SLC60A1: variants seen among roughly 807,000 people sequenced by gnomAD.
The protein encoded by SLC60A1 is solute carrier family 60 member 1, also known as major facilitator superfamily domain containing 4.
At chr1:205,570,785 C>T in the SLC60A1 span, among the ~76,000 whole-genome samples, 1 of 152,190 alleles carries the variant, frequency 6.6e-6, no homozygotes, top group Admixed American at 6.5e-5. Context: ...GTATCTGTGG[C>T]TAGCACAGGT....
the SLC60A1 span, chr1:205,583,806 T>G: frequency 9.5e-7 from 1 of 1,049,052 alleles, no homozygotes; most frequent in Non-Finnish European, 1.3e-6. Flanking sequence ...CCTGGCTTCT[T>G]AGGTTGGGAT....
chr1:205,577,536 T>A, the SLC60A1 span, among the ~76,000 whole-genome samples: 5 of 152,312 alleles, frequency 3.3e-5, no homozygotes, highest in East Asian at 9.6e-4. This position sits in a 1 kb window ranked among gnomAD's most constrained non-coding sequence, Gnocchi z 5.2. Context: ...TAGAGGCGCA[T>A]GTTCTAGAGA....
At chr1:205,591,214 G>A in the SLC60A1 span, among the ~76,000 whole-genome samples, 1 of 152,276 alleles carries the variant, frequency 6.6e-6, no homozygotes, top group African/African-American at 2.4e-5. Flanking sequence ...TGGGCGTGGG[G>A]GCTCATGCCT....
chr1:205,584,127 G>T, the SLC60A1 span: 2 of 1,612,532 alleles, frequency 1.2e-6, no homozygotes, highest in Admixed American at 3.3e-5. Context: ...CACCTAGGTA[G>T]GGGCTCTAAT....
the SLC60A1 span, among the ~76,000 whole-genome samples, chr1:205,592,678 C>A: frequency 6.6e-6 from 1 of 152,174 alleles, no homozygotes; most frequent in Non-Finnish European, 1.5e-5. Flanking sequence ...GGCCCACAGC[C>A]GGGGTGGTTC....
chr1:205,585,734 C>T, the SLC60A1 span, among the ~76,000 whole-genome samples: 7 of 150,824 alleles, frequency 4.6e-5, no homozygotes, highest in Non-Finnish European at 7.4e-5. This position sits in a 1 kb window ranked among gnomAD's most constrained non-coding sequence, Gnocchi z 4.2. Context: ...AAGTGGGGAG[C>T]AGTGCCTGTC....
At chr1:205,588,682 C>T in the SLC60A1 span, among the ~76,000 whole-genome samples, 1 of 151,038 alleles carries the variant, frequency 6.6e-6, no homozygotes, top group South Asian at 2.1e-4. Context: ...GTCATATTCA[C>T]TGTGACTACT....
At chr1:205,597,224 C>T in the SLC60A1 span, among the ~76,000 whole-genome samples, 10,850 of 152,106 alleles carry the variant, frequency 0.071, 1,231 homozygotes, top group African/African-American at 0.24. Context: ...TATTGATGAG[C>T]AATTAAAGGT....
At chr1:205,593,696 TTATTA>T in the SLC60A1 span, among the ~76,000 whole-genome samples, 1 of 152,150 alleles carries the variant, frequency 6.6e-6, no homozygotes, top group African/African-American at 2.4e-5. Context: ...GGAATTTTTT[TTATTA>T]TATAAGTCGT....
At chr1:205,580,524 C>A in the SLC60A1 span, 1 of 1,142,604 alleles carries the variant, frequency 8.8e-7, no homozygotes, top group Non-Finnish European at 1.2e-6. This position sits in a 1 kb window ranked among gnomAD's most constrained non-coding sequence, Gnocchi z 5.0. Context: ...GGCTGGGCAA[C>A]AGCCCCTACA....
At chr1:205,574,317 C>T in the SLC60A1 span, among the ~76,000 whole-genome samples, 2 of 151,912 alleles carry the variant, frequency 1.3e-5, no homozygotes, top group East Asian at 3.9e-4. Flanking sequence ...TGGTGGTGCA[C>T]ACCTATAGTC....
chr1:205,584,142 C>G, the SLC60A1 span: 32 of 1,609,680 alleles, frequency 2.0e-5, no homozygotes, highest in Middle Eastern at 3.3e-4. Context: ...TCTAATGAAT[C>G]TGCATCCTCA....
At chr1:205,591,994 C>T in the SLC60A1 span, 1 of 1,126,754 alleles carries the variant, frequency 8.9e-7, no homozygotes, top group Non-Finnish European at 1.3e-6. Flanking sequence ...CCCGCCTGGT[C>T]CACGGGGTGG....
chr1:205,580,587 G>C, the SLC60A1 span: 2 of 1,556,796 alleles, frequency 1.3e-6, no homozygotes, highest in Non-Finnish European at 1.7e-6. This position sits in a 1 kb window ranked among gnomAD's most constrained non-coding sequence, Gnocchi z 5.0. Flanking sequence ...CCTCTGGACC[G>C]GAGGCCAGGC....
chr1:205,592,164 GTGC>G, the SLC60A1 span: 1 of 1,614,122 alleles, frequency 6.2e-7, no homozygotes, highest in Non-Finnish European at 8.5e-7. Context: ...GACGTTCCTG[GTGC>G]TGCTTATTTT....
the SLC60A1 span, among the ~76,000 whole-genome samples, chr1:205,584,413 G>C: frequency 6.6e-6 from 1 of 151,622 alleles, no homozygotes; most frequent in East Asian, 1.9e-4. Flanking sequence ...AAGTAGAGAA[G>C]GGGTTTCGCC....
chr1:205,569,346 AC>A, the SLC60A1 span: 3 of 1,244,576 alleles, frequency 2.4e-6, no homozygotes, highest in East Asian at 7.3e-5. Flanking sequence ...CCCGGCACCC[AC>A]CCTCGCCGGG....
the SLC60A1 span, chr1:205,592,308 A>T: frequency 1.3e-6 from 2 of 1,599,102 alleles, no homozygotes; most frequent in Non-Finnish European, 1.7e-6. Flanking sequence ...GGCCCGAGCC[A>T]GGAGGCGCGC....
the SLC60A1 span, among the ~76,000 whole-genome samples, chr1:205,592,646 C>T: frequency 1.3e-5 from 2 of 152,200 alleles, no homozygotes; most frequent in African/African-American, 4.8e-5. Flanking sequence ...TGAACACCCC[C>T]CTCCTGACTT....
Sources: allele counts gnomAD v4.1 joint callset (sites outside exome capture counted in the v4.1 genomes callset), GRCh38; gene constraint gnomAD v4.1.1; non-coding constraint Gnocchi (gnomAD v3.1); transcripts MANE v1.5; gene names NCBI Gene and HGNC (gene_info 2026-07-23, HGNC 2026-07-21).